CDH13: variants seen among roughly 807,000 people sequenced by gnomAD.
CDH13 encodes the protein cadherin 13, also known as cadherin-13.
In CDH13, 24 loss-of-function variants were observed where a neutral mutation model predicts 63.8. The ratio of observed to expected loss-of-function variants is 0.38; its 90% CI spans 0.27 to 0.53. The LOEUF (loss-of-function observed/expected upper bound fraction) is 0.53. CDH13 is among the 20% of genes least tolerant of loss of function. The pLI is 0.85. For synonymous variants in CDH13, 503 were observed against 355.3 expected (o/e 1.42, Z -4.67); for missense variants, 1,049 against 903.1 (o/e 1.16, Z -2.07).
chr16:83,695,754 G>C (rs561364652), intron 10 of CDH13, among the ~76,000 whole-genome samples: 9 of 152,286 alleles, frequency 5.9e-5, no homozygotes, highest in African/African-American at 2.2e-4. Flanking sequence ...AAATCTGATA[G>C]AGCATTATCT....
At chr16:82,927,601 C>T (rs1027070421) in intron 2 of CDH13, among the ~76,000 whole-genome samples, 2 of 152,304 alleles carry the variant, frequency 1.3e-5, no homozygotes, top group Non-Finnish European at 2.9e-5. Flanking sequence ...TTTTACTTTT[C>T]GGCCTAGAAA....
intron 6 of CDH13, among the ~76,000 whole-genome samples, chr16:83,443,414 C>T (rs533402235): frequency 9.1e-4 from 138 of 152,098 alleles, no homozygotes; most frequent in African/African-American, 3.0e-3. Context: ...TTGAATGTTA[C>T]GAAAAGGTTT....
At chr16:83,391,349 G>A (rs935345828) in intron 6 of CDH13, among the ~76,000 whole-genome samples, 1 of 151,934 alleles carries the variant, frequency 6.6e-6, no homozygotes, top group South Asian at 2.1e-4. Flanking sequence ...GGGATTACAG[G>A]TGCCTACCAC....
intron 3 of CDH13, among the ~76,000 whole-genome samples, chr16:83,079,576 C>G (rs939039838): frequency 6.6e-5 from 10 of 152,222 alleles, no homozygotes; most frequent in Admixed American, 3.3e-4. Flanking sequence ...CTAGCACTCT[C>G]TGGCATGTAA....
At chr16:82,672,999 C>CTTTTTTTT (rs562942948) in intron 1 of CDH13, among the ~76,000 whole-genome samples, 5,130 of 80,998 alleles carry the variant, frequency 0.063, 1,051 homozygotes, top group Non-Finnish European at 0.075. Context: ...ATAAAGTTTT[C>CTTTTTTTT]TTTTTTTTTT....
At chr16:83,249,199 A>G (rs1053955457) in intron 5 of CDH13, among the ~76,000 whole-genome samples, 2 of 152,214 alleles carry the variant, frequency 1.3e-5, no homozygotes, top group Non-Finnish European at 2.9e-5. Context: ...TCTCATATTT[A>G]TTGACCAGAC....
intron 2 of CDH13, among the ~76,000 whole-genome samples, chr16:82,975,935 C>A (rs1003585445): frequency 1.8e-4 from 28 of 152,180 alleles, no homozygotes; most frequent in African/African-American, 4.8e-4. Flanking sequence ...GCGCTCTCCC[C>A]CAGCACTTTC....
intron 10 of CDH13, among the ~76,000 whole-genome samples, chr16:83,679,425 T>G (rs916101330): frequency 6.6e-6 from 1 of 152,210 alleles, no homozygotes; most frequent in South Asian, 2.1e-4. Context: ...TTTCCTGATT[T>G]GAAACACCTG....
intron 5 of CDH13, among the ~76,000 whole-genome samples, chr16:83,230,836 T>G (rs1194836958): frequency 6.6e-6 from 1 of 152,194 alleles, no homozygotes; most frequent in African/African-American, 2.4e-5. Context: ...TTCTTGGGAA[T>G]GCCACAATGT....
chr16:83,072,247 A>G (rs2032492094), intron 3 of CDH13, among the ~76,000 whole-genome samples: 1 of 152,224 alleles, frequency 6.6e-6, no homozygotes, highest in African/African-American at 2.4e-5. Flanking sequence ...GCGGTTAAAG[A>G]AACCAAACTC....
intron 2 of CDH13, among the ~76,000 whole-genome samples, chr16:82,922,491 C>G (rs2042185812): frequency 6.6e-6 from 1 of 152,164 alleles, no homozygotes; most frequent in Non-Finnish European, 1.5e-5. Flanking sequence ...AACACAGACT[C>G]TAGAATCAAT....
chr16:82,770,147 A>G (rs1448037155), intron 1 of CDH13, among the ~76,000 whole-genome samples: 2 of 152,248 alleles, frequency 1.3e-5, no homozygotes, highest in Non-Finnish European at 2.9e-5. Context: ...ACTGCCACAG[A>G]ACCTGGCTGT....
intron 3 of CDH13, among the ~76,000 whole-genome samples, chr16:83,102,869 T>C (rs1429537012): frequency 6.6e-6 from 1 of 150,642 alleles, no homozygotes; most frequent in African/African-American, 2.4e-5. Flanking sequence ...TAGGCTGAAC[T>C]GGAAGAGACA....
intron 5 of CDH13, among the ~76,000 whole-genome samples, chr16:83,243,129 A>G (rs1318746205): frequency 6.6e-6 from 1 of 152,180 alleles, no homozygotes; most frequent in East Asian, 1.9e-4. Flanking sequence ...ATTAACCACC[A>G]TACCGCCAAA....
intron 3 of CDH13, among the ~76,000 whole-genome samples, chr16:83,118,480 C>A (rs955236555): frequency 6.6e-6 from 1 of 152,176 alleles, no homozygotes; most frequent in Non-Finnish European, 1.5e-5. Flanking sequence ...TCTAGTAAAT[C>A]TGGAAAGCTG....
chr16:82,992,095 T>G (rs992538438), intron 2 of CDH13, among the ~76,000 whole-genome samples: 1 of 152,162 alleles, frequency 6.6e-6, no homozygotes, highest in Non-Finnish European at 1.5e-5. Flanking sequence ...CGGCACTGAT[T>G]AACCTCATTA....
chr16:83,511,480 C>G (rs1457441751), intron 7 of CDH13, among the ~76,000 whole-genome samples: 1 of 151,466 alleles, frequency 6.6e-6, no homozygotes, highest in Non-Finnish European at 1.5e-5. Flanking sequence ...AAAAAAGTTT[C>G]ATACTTTCAC....
chr16:83,175,745 T>C (rs1051041068), intron 4 of CDH13, among the ~76,000 whole-genome samples: 1 of 151,958 alleles, frequency 6.6e-6, no homozygotes, highest in African/African-American at 2.4e-5. Flanking sequence ...TAGATCTCTA[T>C]ACCTTCCTTT....
intron 5 of CDH13, among the ~76,000 whole-genome samples, chr16:83,240,991 C>A (rs1275592964): frequency 6.6e-6 from 1 of 152,122 alleles, no homozygotes; most frequent in Non-Finnish European, 1.5e-5. Context: ...TTCTCTTCCC[C>A]CAACCCTCTG....
Sources: gnomAD v4.1 joint callset for allele counts (sites outside exome capture counted in the v4.1 genomes callset) on GRCh38, gnomAD v4.1.1 for gene constraint, MANE v1.5 for transcripts, NCBI Gene and HGNC (gene_info 2026-07-23, HGNC 2026-07-21) for gene names.